TLR3: variants seen among roughly 807,000 people sequenced by gnomAD.
TLR3 encodes the protein toll-like receptor 3.
In TLR3, 43 loss-of-function variants were observed where a neutral mutation model predicts 66.4. The observed-to-expected ratio is 0.65, with a 90% CI of 0.51 to 0.83. TLR3 has a LOEUF of 0.83. Among genes scored for constraint, TLR3 ranks in the 40% least tolerant of loss-of-function variants. The pLI, the probability that TLR3 is intolerant of heterozygous loss-of-function variation, is 0.00. For missense variants in TLR3, 982 were observed against 1,044.6 expected, an observed-to-expected ratio of 0.94 and a Z score of 0.83; for synonymous variants, 397 against 397.2, an observed-to-expected ratio of 1.00 and a Z score of 0.01.
Position 186,085,161 on chromosome 4 carries a change from A to G in TLR3, c.*288A>G. ...AGCCTATGACAGCTTAAGGAGTTTG[A>G]AAACATTCCTCATTTTAAGAAAAGT... On this transcript the variant is annotated 3_prime_UTR_variant, in exon 5 of 5. Transcript: ENST00000296795. 2.6e-6 allele frequency: 1 copy of G among 382,376 alleles called. No individual in the cohort carries two copies. The highest frequency in any genetic ancestry group is 3.1e-5 in the South Asian group (1 of 31,948). The allele number at this position is 382,376 out of a possible 1,614,324, so 23.7% of individuals were successfully genotyped here.
chr4:186,076,738 T>C lies in TLR3; in HGVS notation c.119T>C (p.Leu40Pro). Reference protein sequence around the residue: ...VSHEVADCSHLKLTQVPDDLP... With the variant: ...VSHEVADCSHPKLTQVPDDLP... ...CATGAAGTTGCTGACTGCAGCCACC[T>C]GAAGTTGACTCAGGTACCCGATGAT... The change falls in exon 2 of 5, where the codon CTG (leucine) becomes CCG (proline). Residue 40 changes from leucine (L) to proline (P), a missense_variant. This residue lies in a region of TLR3 where 313 missense variants were observed against 319.0 expected (regional missense o/e 0.98). Coordinates refer to ENST00000296795, the MANE Select transcript of TLR3 (RefSeq NM_003265.3). 6 of 1,614,188 alleles carry C rather than the reference T, an allele frequency of 3.7e-6. No homozygotes were observed. Among genetic ancestry groups the C allele is most frequent in the Non-Finnish European group, 5.1e-6 (6 of 1,180,046 alleles).
chr4:186,079,096 C>A (rs2099302961), intron 3 of TLR3, 65 bp downstream of exon 3: 2 of 1,355,162 alleles, frequency 1.5e-6, no homozygotes, highest in South Asian at 1.2e-5. Context: ...ATCTGTGTCA[C>A]ATACACAGGA....
chr4:186,084,226 T>C, intron 4 of TLR3, 54 bp downstream of exon 4: 3 of 631,364 alleles, frequency 4.8e-6, no homozygotes, highest in Non-Finnish European at 6.7e-6. Context: ...ATTAAATTTC[T>C]TTTTTTTTTT....
intron 2 of TLR3, 100 bp downstream of exon 2, chr4:186,077,160 A>G: frequency 1.6e-6 from 2 of 1,274,304 alleles, no homozygotes; most frequent in Non-Finnish European, 2.2e-6. Flanking sequence ...AAGAAATTTG[A>G]TCTAATCCAA....
At chr4:186,070,130 T>G (rs140268652) in intron 1 of TLR3, among the ~76,000 whole-genome samples, 2 of 152,330 alleles carry the variant, frequency 1.3e-5, no homozygotes, top group East Asian at 3.9e-4. Context: ...GAGTCTCTTT[T>G]TAATTTTTTT....
intron 1 of TLR3, among the ~76,000 whole-genome samples, chr4:186,070,186 C>T (rs2099301193): frequency 6.6e-6 from 1 of 151,674 alleles, no homozygotes; most frequent in South Asian, 2.1e-4. Flanking sequence ...GCAACGTTTT[C>T]TTCACTCTCA....
At chr4:186,079,119 C>A in intron 3 of TLR3, 88 bp downstream of exon 3, 1 of 1,172,598 alleles carries the variant, frequency 8.5e-7, no homozygotes, top group Non-Finnish European at 1.2e-6. Context: ...GTAATGCTCT[C>A]TAGCCTCTGC....
At chr4:186,072,769 A>C (rs1225352933) in intron 1 of TLR3, among the ~76,000 whole-genome samples, 1 of 152,210 alleles carries the variant, frequency 6.6e-6, no homozygotes, top group African/African-American at 2.4e-5. Flanking sequence ...ATTACAATTC[A>C]ACGTGTGGTG....
At position 186,084,124 on chromosome 4, in the gene TLR3, T is replaced by C. The variant is rs775823844; in HGVS notation, c.2438T>C (p.Ile813Thr). The change falls in exon 4 of 5, where the codon ATT becomes ACT. Residue 813 changes from isoleucine to threonine, a missense_variant. Coordinates refer to ENST00000296795, the MANE Select transcript of TLR3 (RefSeq NM_003265.3). Reference sequence around the variant, plus strand: ...AACAGCATCAAAAGAAGCAGAAAAATTATTTTTGTTATAACACACCATCTA... The same window carrying C: ...AACAGCATCAAAAGAAGCAGAAAAACTATTTTTGTTATAACACACCATCTA... ...IVNSIKRSRKIIFVITHHLLK... is the reference protein window; with the variant it reads ...IVNSIKRSRKTIFVITHHLLK... 2 of 1,613,870 alleles carry C rather than the reference T, an allele frequency of 1.2e-6. No homozygotes were observed. The highest frequency in any genetic ancestry group is 4.5e-5 in the East Asian group (2 of 44,872).
rs938732790 is a variant in TLR3 at position 186,083,634 on chromosome 4, A to T, written c.1948A>T (p.Thr650Ser). 12 of 1,600,966 alleles carry T rather than the reference A, an allele frequency of 7.5e-6. No homozygotes were observed. Among genetic ancestry groups the T allele is most frequent in the Non-Finnish European group, 9.4e-6 (11 of 1,174,108 alleles). Residue 650 changes from threonine (T) to serine (S), a missense_variant, in exon 4 of 5, where the codon ACG becomes TCG. Thr to Ser is a moderately conservative substitution (Grantham distance 58). This residue lies in a region of TLR3 where 666 missense variants were observed against 709.0 expected (regional missense o/e 0.94). Coordinates refer to ENST00000296795, the MANE Select transcript of TLR3 (RefSeq NM_003265.3). The surrounding 1 kb of genome is among the most constrained non-coding windows in gnomAD (Gnocchi z 4.0). ...TATGCGCTTTAATCCCTTTGATTGCACGTGTGAAAGTATTGCCTGGTTTGT... is the reference window on the plus strand; with the variant it reads ...TATGCGCTTTAATCCCTTTGATTGCTCGTGTGAAAGTATTGCCTGGTTTGT... The part of the protein sequence containing the change: ...LDMRFNPFDC[T>S]CESIAWFVNW...
chr4:186,072,366 C>G (rs542559161), intron 1 of TLR3, among the ~76,000 whole-genome samples: 1 of 152,174 alleles, frequency 6.6e-6, no homozygotes, highest in Admixed American at 6.5e-5. Flanking sequence ...GGCTGGAGTG[C>G]ATGTGGTGGG....
rs2099304030 is a variant in TLR3, at chr4:186,084,306, C to T, written c.2486+134C>T. On this transcript the variant is annotated intron_variant, in intron 4 of 4. Coordinates refer to ENST00000296795, the MANE Select transcript of TLR3 (RefSeq NM_003265.3). ...TGTGATCTCAGCTTACTGCAGCCTCCACCTCCTGGGTTCAAGTAATTCTCC... is the reference window on the plus strand; with the variant it reads ...TGTGATCTCAGCTTACTGCAGCCTCTACCTCCTGGGTTCAAGTAATTCTCC... 9.8e-6 allele frequency: 9 copies of T among 921,864 alleles called. No homozygotes were observed. The South Asian group carries it at 1.2e-4, about 12-fold the overall frequency. The allele number at this position is 921,864 out of a possible 1,614,324, so 57.1% of individuals were successfully genotyped here.
Position 186,082,937 on chromosome 4 carries a change from T to C in TLR3, c.1251T>C (p.Asn417=), listed in dbSNP as rs776866759. The change falls in exon 4 of 5, where the codon AAT becomes AAC. Residue 417 remains asparagine (N), a synonymous_variant. Transcript: ENST00000296795. The part of the protein sequence containing the change: ...SPLHILNLTK[N]KISKIESDAF... Reference sequence around the variant, plus strand: ...TACACATACTCAACCTAACCAAGAATAAAATCTCAAAAATAGAGAGTGATG... The same window carrying C: ...TACACATACTCAACCTAACCAAGAACAAAATCTCAAAAATAGAGAGTGATG... 1.2e-6 allele frequency: 2 copies of C among 1,614,128 alleles called. No homozygotes were observed. Among genetic ancestry groups the C allele is most frequent in the Non-Finnish European group, 1.7e-6 (2 of 1,180,022 alleles).
chr4:186,079,003 TA>T lies in TLR3; in HGVS notation c.606del (p.Glu203SerfsTer26). On this transcript the variant is annotated frameshift_variant, in exon 3 of 5. Coordinates refer to ENST00000296795, the MANE Select transcript of TLR3 (RefSeq NM_003265.3). LOFTEE classifies it high-confidence loss of function. ...DIFANSSLKK[L>X]ELSSNQIKEF... is the part of the protein sequence containing the mutation. ...TTTGCCAATTCATCTTTAAAAAAAT[TA>T]GAGTTGTCATCGAATCAAATTAAAG... The T allele has an allele frequency of 6.2e-7, 1 of 1,613,838 alleles. No homozygotes were observed. The highest frequency in any genetic ancestry group is 8.5e-7 in the Non-Finnish European group (1 of 1,179,884).
At chr4:186,082,296 C>T (rs79866026) in intron 3 of TLR3, 24 bp from the exon 4 acceptor site, 1 of 1,474,074 alleles carries the variant, frequency 6.8e-7, no homozygotes, top group Non-Finnish European at 9.2e-7. Context: ...TGATTGTTAA[C>T]CTCTTTTTTT....
chr4:186,078,271 T>C (rs914233060), intron 2 of TLR3, among the ~76,000 whole-genome samples: 5 of 152,128 alleles, frequency 3.3e-5, no homozygotes, highest in Admixed American at 3.3e-4. Context: ...GATAAAAACA[T>C]CCCACAGTAC....
At chr4:186,076,463 A>G (rs1385629225) in intron 1 of TLR3, 150 bp from the exon 2 acceptor site, 10 of 798,456 alleles carry the variant, frequency 1.3e-5, no homozygotes, top group Non-Finnish European at 2.1e-5. Flanking sequence ...TATGACTTGT[A>G]TAATATGTAC....
At chr4:186,081,055 T>C (rs2099303347) in intron 3 of TLR3, among the ~76,000 whole-genome samples, 1 of 152,160 alleles carries the variant, frequency 6.6e-6, no homozygotes, top group South Asian at 2.1e-4. Flanking sequence ...GATAGCATTA[T>C]TTTACAGGCA....
chr4:186,082,112 C>T (rs1392691324), intron 3 of TLR3: 1 of 572,580 alleles, frequency 1.7e-6, no homozygotes, highest in Non-Finnish European at 3.0e-6. Context: ...GTAATCCCAG[C>T]TACTCGGGAG....
Sources: gnomAD v4.1 joint callset for allele counts (sites outside exome capture counted in the v4.1 genomes callset) on GRCh38, gnomAD v4.1.1 for gene constraint, gnomAD v4.1.1 regional missense constraint, Gnocchi (gnomAD v3.1) non-coding constraint, MANE v1.5 for transcripts, NCBI Gene and HGNC (gene_info 2026-07-23, HGNC 2026-07-21) for gene names.